Variants in RAB8B observed in about 807,000 individuals in gnomAD.
RAB8B encodes the protein ras-related protein Rab-8B.
A neutral mutation model predicts 32.0 loss-of-function variants in RAB8B; 11 were observed. That is an observed-to-expected ratio of 0.34 (90% CI 0.22 to 0.57). RAB8B has a LOEUF of 0.57. Among genes scored for constraint, RAB8B ranks in the 20% least tolerant of loss-of-function variants. RAB8B has a pLI of 0.86. For synonymous variants in RAB8B, 103 were observed against 89.6 expected (o/e 1.15, Z -0.85); for missense variants, 190 against 258.5 (o/e 0.73, Z 1.82).
chr15:63,249,509 C>T (rs2038097487), intron 2 of RAB8B, 136 bp from the exon 3 acceptor site: 1 of 730,692 alleles, frequency 1.4e-6, no homozygotes, highest in Middle Eastern at 2.5e-4. Context: ...AAAGGGCTCC[C>T]TCTGTGTCTC....
At chr15:63,212,979 GTTT>G (rs1163791285) in intron 1 of RAB8B, among the ~76,000 whole-genome samples, 1 of 152,218 alleles carries the variant, frequency 6.6e-6, no homozygotes, top group African/African-American at 2.4e-5. Context: ...GTTTGTCTTA[GTTT>G]TTTATAAGGC....
intron 2 of RAB8B, among the ~76,000 whole-genome samples, chr15:63,246,647 C>T (rs942410125): frequency 2.0e-5 from 3 of 152,160 alleles, no homozygotes; most frequent in Admixed American, 6.5e-5. Flanking sequence ...TGAAGCTCTC[C>T]AAACCCAGTC....
intron 2 of RAB8B, among the ~76,000 whole-genome samples, chr15:63,247,601 T>C (rs967014684): frequency 1.3e-5 from 2 of 152,228 alleles, no homozygotes; most frequent in African/African-American, 4.8e-5. Context: ...TTGGTGATGT[T>C]TGCTGATCTA....
chr15:63,261,492 A>G (rs1163476064), intron 6 of RAB8B, among the ~76,000 whole-genome samples: 1 of 152,236 alleles, frequency 6.6e-6, no homozygotes, highest in East Asian at 1.9e-4. Flanking sequence ...TGTGGTATGT[A>G]TACACAATGG....
chr15:63,257,281 A>G (rs1239017231), intron 5 of RAB8B, among the ~76,000 whole-genome samples: 1 of 147,548 alleles, frequency 6.8e-6, no homozygotes, highest in East Asian at 2.0e-4. Context: ...TTTTTTTGAG[A>G]CAAAGTCTTG....
At chr15:63,199,793 G>A (rs537385802) in intron 1 of RAB8B, among the ~76,000 whole-genome samples, 31 of 152,086 alleles carry the variant, frequency 2.0e-4, no homozygotes, top group African/African-American at 7.5e-4. Flanking sequence ...TGTTGCCCAG[G>A]TTGGTCTTGA....
At chr15:63,199,230 G>C (rs1033941068) in intron 1 of RAB8B, among the ~76,000 whole-genome samples, 14 of 152,150 alleles carry the variant, frequency 9.2e-5, no homozygotes, top group Non-Finnish European at 1.3e-4. Context: ...TTGGCTACTT[G>C]GTTCAGTCTC....
intron 3 of RAB8B, among the ~76,000 whole-genome samples, chr15:63,250,234 T>C (rs956649536): frequency 2.6e-5 from 4 of 152,264 alleles, no homozygotes; most frequent in African/African-American, 9.6e-5. Context: ...ATAGATGTTC[T>C]AGAACTCCTC....
intron 1 of RAB8B, among the ~76,000 whole-genome samples, chr15:63,190,492 A>T (rs1406617709): frequency 6.6e-6 from 1 of 152,180 alleles, no homozygotes; most frequent in African/African-American, 2.4e-5. Context: ...AGCAGAGAAG[A>T]CAGAGGAGAT....
chr15:63,214,721 T>C (rs995751141), intron 1 of RAB8B, among the ~76,000 whole-genome samples: 2 of 152,106 alleles, frequency 1.3e-5, no homozygotes, highest in African/African-American at 4.8e-5. Context: ...TCAGCAGCAG[T>C]TCATTTCTCT....
chr15:63,211,772 C>T (rs1202054138), intron 1 of RAB8B, among the ~76,000 whole-genome samples: 2 of 152,110 alleles, frequency 1.3e-5, no homozygotes, highest in African/African-American at 4.8e-5. Context: ...CATCTCATAA[C>T]TGTCATGGCT....
chr15:63,246,068 T>C (rs2038069575), intron 2 of RAB8B, among the ~76,000 whole-genome samples: 1 of 152,280 alleles, frequency 6.6e-6, no homozygotes, highest in South Asian at 2.1e-4. Flanking sequence ...GAAACGGGGT[T>C]TCTCCATGTT....
intron 1 of RAB8B, among the ~76,000 whole-genome samples, chr15:63,200,362 A>G (rs753510686): frequency 2.0e-5 from 3 of 152,248 alleles, no homozygotes; most frequent in Non-Finnish European, 4.4e-5. Flanking sequence ...TTTGAATCCT[A>G]TTCTTTAAAA....
intron 1 of RAB8B, among the ~76,000 whole-genome samples, chr15:63,201,945 C>G (rs1241121065): frequency 6.6e-6 from 1 of 151,850 alleles, no homozygotes; most frequent in African/African-American, 2.4e-5. Context: ...AGGACCAGCC[C>G]CTTTCAGTGG....
intron 7 of RAB8B, 27 bp from the exon 8 acceptor site, chr15:63,263,500 T>A: frequency 6.5e-7 from 1 of 1,548,042 alleles, no homozygotes; most frequent in Non-Finnish European, 8.9e-7. Context: ...TTTTATTTCC[T>A]TGGTAACTTC....
chr15:63,261,941 T>C (rs921510832), intron 6 of RAB8B, among the ~76,000 whole-genome samples: 12 of 152,206 alleles, frequency 7.9e-5, no homozygotes, highest in African/African-American at 2.9e-4. Context: ...TTAATCAGAT[T>C]TGCCCTGCTT....
At chr15:63,251,889 T>TA (rs1180267170) in intron 3 of RAB8B, among the ~76,000 whole-genome samples, 6 of 152,134 alleles carry the variant, frequency 3.9e-5, no homozygotes, top group Non-Finnish European at 5.9e-5. Flanking sequence ...AAGTGGTGGT[T>TA]ATGGCAGGTT....
chr15:63,195,209 G>A (rs2037590708), intron 1 of RAB8B, among the ~76,000 whole-genome samples: 1 of 152,092 alleles, frequency 6.6e-6, no homozygotes, highest in East Asian at 1.9e-4. Context: ...AAAGCTGCCA[G>A]TAGATTTCCC....
intron 1 of RAB8B, 131 bp downstream of exon 1, chr15:63,189,879 T>TGAGAGGGGCGAGAGCGTGAGG: frequency 1.1e-6 from 1 of 913,920 alleles, no homozygotes; most frequent in Admixed American, 6.1e-5. Context: ...GCGGGGGCAC[T>TGAGAGGGGCGAGAGCGTGAGG]GAGAGGGGCG....
Sources: gnomAD v4.1 joint callset for allele counts (sites outside exome capture counted in the v4.1 genomes callset) on GRCh38, gnomAD v4.1.1 for gene constraint, MANE v1.5 for transcripts, NCBI Gene and HGNC (gene_info 2026-07-23, HGNC 2026-07-21) for gene names.